Variants in STX6 observed in about 807,000 individuals in gnomAD.
STX6 encodes syntaxin 6.
In STX6, 23 loss-of-function variants were observed where a neutral mutation model predicts 38.0. The ratio of observed to expected loss-of-function variants is 0.60; its 90% confidence interval spans 0.43 to 0.86. The LOEUF is 0.86. Ranked by LOEUF, STX6 falls within the 40% of genes least tolerant of loss-of-function variation. The probability of loss-of-function intolerance (pLI) is 0.00; values close to 1 mark genes in which losing one functional copy is unlikely to be tolerated. For synonymous variants in STX6, 123 were observed against 107.5 expected, an observed-to-expected ratio of 1.14 and a Z score of -0.89; for missense variants, 274 against 312.9, an observed-to-expected ratio of 0.88 and a Z score of 0.94.
At position 180,984,486 on chromosome 1, in the gene STX6, T is replaced by C. The variant is rs551070219; in HGVS notation, c.691+191A>G. Among the ~76,000 whole-genome samples, 104 of 151,822 alleles carry C rather than the reference T, an allele frequency of 6.9e-4. 1 individual carries two copies. The highest frequency in any genetic ancestry group is 2.2e-3 in the African/African-American group (91 of 41,366). ...GCTTGAACCCAGGAGGCAGTGGAGG[T>C]TGCAGTTAGCTGAGATGGCACCACT... On this transcript the variant is annotated intron_variant, in intron 7 of 7. Transcript: ENST00000258301.
intron 3 of STX6, among the ~76,000 whole-genome samples, chr1:181,001,327 G>C (rs1419408971): frequency 6.6e-6 from 1 of 152,174 alleles, no homozygotes; most frequent in Non-Finnish European, 1.5e-5. Context: ...ATATGTTAAA[G>C]ACAGCTGGTT....
intron 1 of STX6, among the ~76,000 whole-genome samples, chr1:181,015,701 A>C (rs1378828511): frequency 6.8e-6 from 1 of 147,558 alleles, no homozygotes; most frequent in African/African-American, 2.5e-5. Context: ...GGAGTTTTGC[A>C]CTGTCACCAG....
intron 3 of STX6, among the ~76,000 whole-genome samples, chr1:180,996,109 T>A: frequency 6.6e-6 from 1 of 152,210 alleles, no homozygotes; most frequent in African/African-American, 2.4e-5. Flanking sequence ...AAATTTGTCA[T>A]TCTGTACCAT....
chr1:180,976,403 C>A lies in STX6; in HGVS notation c.*167G>T. 1.5e-6 allele frequency: 1 copy of A among 649,294 alleles called. No homozygotes were observed. 40.2% of individuals were successfully genotyped at this position (649,294 alleles called of 1,614,324 possible). ...CCTCTTCCCACTGGCCCTTCCAGCG[C>A]TGGGATGGAGGAGCCATGTCAATTG... is the stretch of plus-strand genomic sequence containing the variant. On this transcript the variant is annotated 3_prime_UTR_variant, in exon 8 of 8. Transcript: ENST00000258301.
At chr1:181,010,633 C>T (rs1466035489) in intron 1 of STX6, among the ~76,000 whole-genome samples, 1 of 151,708 alleles carries the variant, frequency 6.6e-6, no homozygotes, top group East Asian at 1.9e-4. Context: ...GAATATGACT[C>T]TTTTTTTTCT....
chr1:181,013,106 A>G (rs1656455363), intron 1 of STX6, among the ~76,000 whole-genome samples: 1 of 151,288 alleles, frequency 6.6e-6, no homozygotes, highest in Non-Finnish European at 1.5e-5. Flanking sequence ...ATGGTACATC[A>G]CCAAACTAGC....
chr1:181,006,242 T>C (rs987347286), intron 1 of STX6, among the ~76,000 whole-genome samples: 13 of 151,796 alleles, frequency 8.6e-5, no homozygotes, highest in Non-Finnish European at 1.9e-4. Flanking sequence ...TTTGTATTTT[T>C]AGTAGAGACG....
intron 3 of STX6, among the ~76,000 whole-genome samples, chr1:180,995,862 G>C (rs1004664787): frequency 6.6e-6 from 1 of 152,148 alleles, no homozygotes; most frequent in Non-Finnish European, 1.5e-5. Flanking sequence ...CAGTGCAGTG[G>C]GGGGTAGAGA....
chr1:181,017,734 C>T (rs1018049017), intron 1 of STX6, among the ~76,000 whole-genome samples: 3 of 152,130 alleles, frequency 2.0e-5, no homozygotes, highest in Admixed American at 1.3e-4. Context: ...TATTTTCACC[C>T]GGAGATTAGT....
rs573407596 is a variant in STX6, at chr1:180,994,091, T to TC, written c.301-667dup. 2.8e-4 allele frequency among the ~76,000 whole-genome samples: 42 copies of TC among 152,286 alleles called. No individual in the cohort carries two copies. In the East Asian group the frequency reaches 7.7e-3, roughly 28 times the overall value. On this transcript the variant is annotated intron_variant, in intron 3 of 7. Transcript: ENST00000258301. ...TTGTATGGAATGAAAAGTGAATAGATCCATTACTTTATCTGAAGCAAAACA... is the reference window on the plus strand; with the variant it reads ...TTGTATGGAATGAAAAGTGAATAGATCCCATTACTTTATCTGAAGCAAAACA...
At chr1:181,017,496 C>T (rs537358049) in intron 1 of STX6, among the ~76,000 whole-genome samples, 158 of 152,302 alleles carry the variant, frequency 1.0e-3, no homozygotes, top group African/African-American at 3.7e-3. Context: ...ACCTTTTATC[C>T]ACAGGAGTGG....
chr1:180,980,221 A>AAAG (rs1181537755), intron 7 of STX6, among the ~76,000 whole-genome samples: 2 of 151,474 alleles, frequency 1.3e-5, no homozygotes, highest in African/African-American at 4.8e-5. Context: ...AAAAAAAAAA[A>AAAG]AACACCATGA....
At chr1:181,007,636 C>T (rs1043573426) in intron 1 of STX6, among the ~76,000 whole-genome samples, 1 of 152,186 alleles carries the variant, frequency 6.6e-6, no homozygotes, top group Non-Finnish European at 1.5e-5. Context: ...TTCTCCACCA[C>T]CAGTACACAA....
intron 6 of STX6, chr1:180,987,769 A>G (rs6425657): frequency 0.56 from 84,643 of 151,214 alleles, 24,005 homozygotes; most frequent in East Asian, 0.63. Flanking sequence ...AAGAGTTTTT[A>G]TTAACTGGCG....
At chr1:181,012,667 CCATTCT>C (rs780541880) in intron 1 of STX6, among the ~76,000 whole-genome samples, 20 of 119,280 alleles carry the variant, frequency 1.7e-4, no homozygotes, top group Middle Eastern at 4.6e-3. Context: ...TCAGATTCTT[CCATTCT>C]TTTTTTTTTT....
chr1:180,994,360 T>C (rs1655840762), intron 3 of STX6, among the ~76,000 whole-genome samples: 1 of 152,226 alleles, frequency 6.6e-6, no homozygotes, highest in Non-Finnish European at 1.5e-5. Context: ...AACCACCTGA[T>C]TCAACTTTCA....
chr1:180,984,996 ACAC>A (rs1181397074), intron 6 of STX6, among the ~76,000 whole-genome samples: 17 of 152,218 alleles, frequency 1.1e-4, no homozygotes, highest in Admixed American at 9.8e-4. Flanking sequence ...GTATTAGTCG[ACAC>A]CACTAGGAGG....
At chr1:181,010,812 T>C (rs528794507) in intron 1 of STX6, among the ~76,000 whole-genome samples, 42 of 152,104 alleles carry the variant, frequency 2.8e-4, no homozygotes, top group Non-Finnish European at 4.7e-4. Flanking sequence ...ATCTGAATAT[T>C]ATCATGAAAA....
In STX6 at chr1:180,976,332, G is replaced by A. The variant is rs1655247668; in HGVS notation, c.*238C>T. ...CTCCTCCGAACTGGACAGGCGGCATGGGGCTTCTGTTGTCCAGCTGCAGCC... is the reference window on the plus strand; with the variant it reads ...CTCCTCCGAACTGGACAGGCGGCATAGGGCTTCTGTTGTCCAGCTGCAGCC... On this transcript the variant is annotated 3_prime_UTR_variant, in exon 8 of 8. Coordinates refer to ENST00000258301, the MANE Select transcript of STX6 (RefSeq NM_005819.6). 1 of 503,960 alleles carries A rather than the reference G, an allele frequency of 2.0e-6. No individual in the cohort carries two copies. Among genetic ancestry groups the A allele is most frequent in the Non-Finnish European group, 3.6e-6 (1 of 276,444 alleles). 31.2% of individuals were successfully genotyped at this position (503,960 alleles called of 1,614,324 possible). A position where few individuals can be genotyped will look rare whatever the true frequency, so the allele number is the denominator to read the frequency against.
Sources: gnomAD v4.1 joint callset for allele counts (sites outside exome capture counted in the v4.1 genomes callset) on GRCh38, gnomAD v4.1.1 for gene constraint, MANE v1.5 for transcripts, NCBI Gene and HGNC (gene_info 2026-07-23, HGNC 2026-07-21) for gene names.